Variants in RCC1L observed in about 807,000 individuals in gnomAD.
The protein encoded by RCC1L is RCC1-like G exchanging factor-like protein.
A neutral mutation model predicts 58.6 loss-of-function variants in RCC1L; 46 were observed. The observed-to-expected ratio is 0.79, with a 90% CI of 0.62 to 1.00. RCC1L has a LOEUF of 1.00. Among genes scored for constraint, RCC1L ranks in the 50% least tolerant of loss-of-function variants. The pLI is 0.00. For missense variants in RCC1L, 636 were observed against 623.6 expected (o/e 1.02, Z -0.21); for synonymous variants, 281 against 262.9 (o/e 1.07, Z -0.67).
chr7:75,033,873 T>TA (rs1283667488), intron 10 of RCC1L, among the ~76,000 whole-genome samples: 1 of 150,720 alleles, frequency 6.6e-6, no homozygotes, highest in South Asian at 2.1e-4. Context: ...AGCAATAAAT[T>TA]AAAAAAAATT....
At chr7:75,071,302 G>T (rs1806719107) in intron 1 of RCC1L, among the ~76,000 whole-genome samples, 1 of 152,090 alleles carries the variant, frequency 6.6e-6, no homozygotes, top group Non-Finnish European at 1.5e-5. Context: ...TATGGTCTAT[G>T]TCAGCTTACC....
intron 1 of RCC1L, among the ~76,000 whole-genome samples, chr7:75,072,171 T>TATATATATATATATATATACATATAC (rs1584508013): frequency 2.3e-5 from 2 of 87,044 alleles, no homozygotes; most frequent in East Asian, 7.8e-4. Flanking sequence ...CATATATATA[T>TATATATATATATATATATACATATAC]ATATATATAT....
chr7:75,056,019 T>C lies in RCC1L; in HGVS notation c.1113A>G (p.Leu371=). 6.2e-7 allele frequency: 1 copy of C among 1,613,974 alleles called. No homozygotes were observed. Among genetic ancestry groups the C allele is most frequent in the Non-Finnish European group, 8.5e-7 (1 of 1,179,870 alleles). ...GYGILGKGPN[L]VESAVPEMIP... is the part of the protein sequence containing the mutation. The stretch of plus-strand genomic sequence containing the variant: ...TCATTTCAGGGACGGCACTTTCCAC[T>C]AGGTTTGGACCTTTCCCAAGAATTC... The change falls in exon 9 of 11, where the codon CTA becomes CTG. Residue 371 remains leucine (L), a synonymous_variant. Coordinates refer to ENST00000610322, the MANE Select transcript of RCC1L (RefSeq NM_030798.5).
At position 75,034,081 on chromosome 7, in the gene RCC1L, A is replaced by G. The variant is rs897557476; in HGVS notation, c.1318-6002T>C. ...GCAATGAAATCATGGTGACAGCTGC[A>G]CAACACAGTTTGCGAAAAACCACTG... On this transcript the variant is annotated intron_variant, in intron 10 of 10. Transcript: ENST00000614461. Among the ~76,000 whole-genome samples, 18 of 152,202 alleles carry G rather than the reference A, an allele frequency of 1.2e-4. 1 individual carries two copies. The highest frequency in any genetic ancestry group is 2.2e-4 in the Non-Finnish European group (15 of 68,032).
At chr7:75,055,043 C>T (rs1363394228) in intron 9 of RCC1L, among the ~76,000 whole-genome samples, 4 of 152,306 alleles carry the variant, frequency 2.6e-5, no homozygotes, top group African/African-American at 7.2e-5. Flanking sequence ...ACAGGCCCCA[C>T]GTGGGAATGA....
At position 75,034,691 on chromosome 7, in the gene RCC1L, G is replaced by A. The variant is rs1805395599; in HGVS notation, c.1318-6612C>T. On this transcript the variant is annotated intron_variant, in intron 10 of 10. Coordinates refer to the RCC1L transcript ENST00000614461. ...GCAGCATCAGCTAGACCCAGGGCCT[G>A]GTTTGTTTGTTTTTTTCTTTAAATT... Among the ~76,000 whole-genome samples the A allele has an allele frequency of 4.7e-5, 7 of 150,262 alleles. No homozygotes were observed. In the South Asian group the frequency reaches 1.5e-3, roughly 32 times the overall value.
At chr7:75,072,161 C>CATATACATATATATATATATATATATAT (rs1455614533) in intron 1 of RCC1L, among the ~76,000 whole-genome samples, 2 of 46,368 alleles carry the variant, frequency 4.3e-5, no homozygotes, top group East Asian at 1.6e-3. Flanking sequence ...TATACATATA[C>CATATACATATATATATATATATATATAT]ATATATATAT....
intron 9 of RCC1L, 51 bp downstream of exon 9, chr7:75,055,849 AC>A (rs1554443837): frequency 1.2e-6 from 2 of 1,609,224 alleles, no homozygotes; most frequent in Non-Finnish European, 1.7e-6. Context: ...TGAACTGGAG[AC>A]AGAGAACCTC....
At chr7:75,052,104 G>A (rs1805931128) in intron 10 of RCC1L, among the ~76,000 whole-genome samples, 1 of 152,170 alleles carries the variant, frequency 6.6e-6, no homozygotes, top group East Asian at 1.9e-4. Flanking sequence ...TCTGGAAGGA[G>A]CCTTTTTGTC....
chr7:75,042,208 ACT>A lies in RCC1L; in HGVS notation c.*822_*823del. The A allele has an allele frequency of 1.0e-6, 1 of 985,460 alleles. No homozygotes were observed. The highest frequency in any genetic ancestry group is 1.2e-6 in the Non-Finnish European group (1 of 829,940). 61.0% of individuals were successfully genotyped at this position (985,460 alleles called of 1,614,324 possible). On this transcript the variant is annotated 3_prime_UTR_variant, in exon 11 of 11. Coordinates refer to ENST00000610322, the MANE Select transcript of RCC1L (RefSeq NM_030798.5). ...TTAAAAACCAAAAGGCAGAAAATAG[ACT>A]TTATTCCAAGACAGATTTGTAAAAG... is the stretch of plus-strand genomic sequence containing the variant.
intron 10 of RCC1L, among the ~76,000 whole-genome samples, chr7:75,033,994 T>C (rs1049158657): frequency 4.7e-4 from 71 of 151,708 alleles, no homozygotes; most frequent in Non-Finnish European, 8.5e-4. Flanking sequence ...GGGGAGGGAG[T>C]GTCAGATCAG....
At chr7:75,028,112 T>C (rs2131963006) in intron 10 of RCC1L, 2 of 1,443,156 alleles carry the variant, frequency 1.4e-6, no homozygotes, top group East Asian at 5.0e-5. Flanking sequence ...CTCTATGATG[T>C]GGAATTTTTT....
chr7:75,046,441 G>C (rs2131980404), intron 10 of RCC1L, among the ~76,000 whole-genome samples: 1 of 152,262 alleles, frequency 6.6e-6, no homozygotes, highest in African/African-American at 2.4e-5. Flanking sequence ...TGCTCCCCGA[G>C]GGCTCTGGCC....
intron 5 of RCC1L, among the ~76,000 whole-genome samples, chr7:75,061,933 A>G (rs1161657456): frequency 2.0e-5 from 3 of 152,220 alleles, no homozygotes; most frequent in Admixed American, 1.3e-4. Context: ...CACTCCTGTA[A>G]TCCCAACACG....
At chr7:75,055,036 G>C (rs1395478853) in intron 9 of RCC1L, among the ~76,000 whole-genome samples, 1 of 152,210 alleles carries the variant, frequency 6.6e-6, no homozygotes, top group East Asian at 1.9e-4. Flanking sequence ...ATCTGGGACA[G>C]GCCCCACGTG....
intron 10 of RCC1L, among the ~76,000 whole-genome samples, chr7:75,033,877 A>C (rs977496199): frequency 6.6e-6 from 1 of 152,086 alleles, no homozygotes; most frequent in Admixed American, 6.6e-5. Context: ...ATAAATTAAA[A>C]AAAATTAAAT....
At chr7:75,039,571 C>T (rs1196538246), downstream of RCC1L, among the ~76,000 whole-genome samples, 17 of 152,168 alleles carry the variant, frequency 1.1e-4, no homozygotes, top group Middle Eastern at 3.4e-3. Context: ...CCTGCAGGGG[C>T]GAAGAGGATG....
intron 10 of RCC1L, among the ~76,000 whole-genome samples, chr7:75,045,761 G>T (rs1805701582): frequency 6.6e-6 from 1 of 152,204 alleles, no homozygotes; most frequent in African/African-American, 2.4e-5. Flanking sequence ...TGAGCCACCT[G>T]CCTTGGCCTC....
intron 5 of RCC1L, 136 bp from the exon 6 acceptor site, chr7:75,061,427 C>T (rs1171097205): frequency 1.3e-6 from 1 of 755,670 alleles, no homozygotes; most frequent in African/African-American, 1.7e-5. Context: ...GCTCCATGCT[C>T]ATCTTACTCC....
Sources: allele counts gnomAD v4.1 joint callset (sites outside exome capture counted in the v4.1 genomes callset), GRCh38; gene constraint gnomAD v4.1.1; transcripts MANE v1.5; gene names NCBI Gene and HGNC (gene_info 2026-07-23, HGNC 2026-07-21).